Variants in KLF12 observed in about 807,000 individuals in gnomAD.
KLF12 encodes KLF transcription factor 12.
KLF12 carries 9 observed loss-of-function variants against 37.8 expected under a neutral mutation model. That is an observed-to-expected ratio of 0.24 (90% CI 0.14 to 0.42). The LOEUF is 0.42. Among genes scored for constraint, KLF12 ranks in the 10% least tolerant of loss-of-function variants. KLF12 has a pLI of 1.00. For synonymous variants in KLF12, 208 were observed against 202.1 expected (o/e 1.03, Z -0.25); for missense variants, 411 against 516.0 (o/e 0.80, Z 1.97).
intron 3 of KLF12, among the ~76,000 whole-genome samples, chr13:73,919,678 T>A (rs1361534094): frequency 6.6e-6 from 1 of 152,196 alleles, no homozygotes; most frequent in Non-Finnish European, 1.5e-5. Flanking sequence ...GCACGCCATA[T>A]TGTTGTGAAT....
Position 73,791,362 on chromosome 13 carries a change from C to T in KLF12, c.806+21790G>A, listed in dbSNP as rs373979831. Among the ~76,000 whole-genome samples, 5 of 152,136 alleles carry T rather than the reference C, an allele frequency of 3.3e-5. No individual in the cohort carries two copies. The East Asian group carries it at 9.6e-4, about 29-fold the overall frequency. The stretch of plus-strand genomic sequence containing the variant: ...GTGATTCTGCAGCAGAATTTCAATG[C>T]AATTTGTCACATTTCCTCTTTAAAC... On this transcript the variant is annotated intron_variant, in intron 5 of 7. Transcript: ENST00000377669.
intron 2 of KLF12, among the ~76,000 whole-genome samples, chr13:73,973,449 C>A (rs1891402581): frequency 6.6e-6 from 1 of 152,126 alleles, no homozygotes; most frequent in African/African-American, 2.4e-5. Context: ...ACAGAGAGGG[C>A]AAGGACATTT....
intron 1 of KLF12, among the ~76,000 whole-genome samples, chr13:73,997,826 C>T (rs1046114284): frequency 3.9e-5 from 6 of 151,996 alleles, no homozygotes; most frequent in African/African-American, 1.2e-4. Context: ...AAGGATTGGT[C>T]GCTTATTTCA....
At chr13:74,133,465 TA>T (rs375174428) in intron 1 of KLF12, among the ~76,000 whole-genome samples, 1 of 151,774 alleles carries the variant, frequency 6.6e-6, no homozygotes, top group African/African-American at 2.4e-5. Context: ...AAAAAAAAAT[TA>T]GGGGAGGTGG....
chr13:74,071,138 G>A (rs982186794), intron 1 of KLF12, among the ~76,000 whole-genome samples: 1 of 152,272 alleles, frequency 6.6e-6, no homozygotes, highest in Non-Finnish European at 1.5e-5. Flanking sequence ...TGAGAATGGA[G>A]AGTACTATAT....
At position 73,853,888 on chromosome 13, in the gene KLF12, A is replaced by G. The variant is rs542366181; in HGVS notation, c.124-7515T>C. Among the ~76,000 whole-genome samples, 9 of 152,364 alleles carry G rather than the reference A, an allele frequency of 5.9e-5. No individual in the cohort carries two copies. The East Asian group carries it at 1.7e-3, about 29-fold the overall frequency. On this transcript the variant is annotated intron_variant, in intron 3 of 7. Transcript: ENST00000377669. ...CTTTTACCATATAACTAGGGAATAT[A>G]CATCACACTTGTTAGCTTGGAATAT...
chr13:74,105,669 T>C (rs1876613934), intron 1 of KLF12, among the ~76,000 whole-genome samples: 1 of 152,164 alleles, frequency 6.6e-6, no homozygotes, highest in Non-Finnish European at 1.5e-5. Context: ...ATGGCATTAT[T>C]TGGCTTCCAA....
chr13:74,099,478 A>G (rs770385782), intron 1 of KLF12, among the ~76,000 whole-genome samples: 1 of 152,220 alleles, frequency 6.6e-6, no homozygotes, highest in African/African-American at 2.4e-5. Flanking sequence ...CGAGAAGAAC[A>G]CTATGTAAAA....
intron 4 of KLF12, among the ~76,000 whole-genome samples, chr13:73,838,054 G>C (rs958850549): frequency 1.3e-5 from 2 of 152,170 alleles, no homozygotes; most frequent in African/African-American, 2.4e-5. Flanking sequence ...ACCAACAAGT[G>C]AGAACGCTGG....
At chr13:74,083,647 A>G (rs1392055436) in intron 1 of KLF12, among the ~76,000 whole-genome samples, 4 of 152,178 alleles carry the variant, frequency 2.6e-5, no homozygotes, top group Non-Finnish European at 5.9e-5. Context: ...CTAATTTTCA[A>G]AAGTTTGTCC....
intron 1 of KLF12, among the ~76,000 whole-genome samples, chr13:74,014,891 T>C (rs1045929756): frequency 2.6e-5 from 4 of 152,196 alleles, no homozygotes; most frequent in Non-Finnish European, 4.4e-5. Flanking sequence ...ACAATGTTTT[T>C]CTAAGTAAAG....
chr13:74,017,572 C>CAAA (rs1286017896), intron 1 of KLF12, among the ~76,000 whole-genome samples: 1 of 139,814 alleles, frequency 7.2e-6, no homozygotes. Context: ...CCCCACCCCC[C>CAAA]AAAAAAAAAC....
the KLF12 span, among the ~76,000 whole-genome samples, chr13:74,203,007 C>T: frequency 7.9e-5 from 12 of 151,996 alleles, no homozygotes; most frequent in Non-Finnish European, 1.0e-4. Context: ...GTTATTTAAA[C>T]GTTGAAAATG....
At chr13:74,245,909 T>A in the KLF12 span, among the ~76,000 whole-genome samples, 1 of 152,184 alleles carries the variant, frequency 6.6e-6, no homozygotes, top group Non-Finnish European at 1.5e-5. Context: ...AAAGTATCAA[T>A]GAAAAACTAA....
chr13:73,760,828 C>A (rs1879504041), intron 6 of KLF12, among the ~76,000 whole-genome samples: 1 of 151,934 alleles, frequency 6.6e-6, no homozygotes, highest in African/African-American at 2.4e-5. Context: ...CAGGATAGAG[C>A]AAGAAGTGGA....
At chr13:73,737,595 A>G (rs1455887459) in intron 6 of KLF12, among the ~76,000 whole-genome samples, 1 of 152,184 alleles carries the variant, frequency 6.6e-6, no homozygotes, top group Non-Finnish European at 1.5e-5. Flanking sequence ...ATACCTGTGA[A>G]TCAGGTACGA....
the KLF12 span, among the ~76,000 whole-genome samples, chr13:74,193,749 G>T: frequency 2.0e-5 from 3 of 152,062 alleles, no homozygotes. Flanking sequence ...AACATTATAA[G>T]CCTAACTCTC....
At chr13:74,095,105 AG>A (rs1382618840) in intron 1 of KLF12, among the ~76,000 whole-genome samples, 3 of 152,204 alleles carry the variant, frequency 2.0e-5, no homozygotes, top group Non-Finnish European at 2.9e-5. Flanking sequence ...GATACAATAA[AG>A]TCTGCATTTT....
At chr13:73,851,360 A>G (rs1307395410) in intron 3 of KLF12, among the ~76,000 whole-genome samples, 2 of 152,208 alleles carry the variant, frequency 1.3e-5, no homozygotes, top group East Asian at 1.9e-4. Flanking sequence ...TGAACAAGTC[A>G]TCTTTAGGGA....
Sources: allele counts gnomAD v4.1 joint callset (sites outside exome capture counted in the v4.1 genomes callset), GRCh38; gene constraint gnomAD v4.1.1; transcripts MANE v1.5; gene names NCBI Gene and HGNC (gene_info 2026-07-23, HGNC 2026-07-21).